The following RNF17 variants were observed in gnomAD, a reference collection of about 807,000 sequenced individuals.
The protein encoded by RNF17 is ring finger protein 17.
In RNF17, 31 loss-of-function variants were observed where a neutral mutation model predicts 200.5. The observed-to-expected ratio is 0.15, with a 90% CI of 0.12 to 0.21. RNF17 has a LOEUF of 0.21. Among genes scored for constraint, RNF17 ranks in the 10% least tolerant of loss-of-function variants. RNF17 has a pLI of 1.00. For synonymous variants in RNF17, 606 were observed against 637.8 expected, an observed-to-expected ratio of 0.95 and a Z score of 0.75; for missense variants, 1,628 against 1,905.1, an observed-to-expected ratio of 0.85 and a Z score of 2.71.
rs139644326 is a variant in RNF17, at chr13:24,847,460, C to G, written c.3101+2381C>G. ...TCCCAGATTCAAGCGATTCTCCCACCTCAGCCTCCCGAGTAGCTGGAATTA... is the reference window on the plus strand; with the variant it reads ...TCCCAGATTCAAGCGATTCTCCCACGTCAGCCTCCCGAGTAGCTGGAATTA... On this transcript the variant is annotated intron_variant, in intron 22 of 35. Coordinates refer to ENST00000255324, the MANE Select transcript of RNF17 (RefSeq NM_031277.3). Among the ~76,000 whole-genome samples the G allele has an allele frequency of 7.4e-3, 1,126 of 151,976 alleles. 14 individuals are homozygous for G. The highest frequency in any genetic ancestry group is 0.025 in the African/African-American group (1,039 of 41,454).
chr13:24,762,526 T>C (rs1878865746), upstream of RNF17, among the ~76,000 whole-genome samples: 1 of 152,144 alleles, frequency 6.6e-6, no homozygotes, highest in African/African-American at 2.4e-5. Flanking sequence ...AGTTCCATCA[T>C]GGATTAGTAG....
rs374294921 is a variant in RNF17, at chr13:24,842,985, T to TA, written c.2604-746dup. Reference sequence around the variant, plus strand: ...GTGTCTGACAGAGCAAGACTCTGTCTAAAAAAAAAAAAAGAAAAAAGAAAG... The same window carrying TA: ...GTGTCTGACAGAGCAAGACTCTGTCTAAAAAAAAAAAAAAGAAAAAAGAAAG... On this transcript the variant is annotated intron_variant, in intron 19 of 35. Transcript: ENST00000255324. Among the ~76,000 whole-genome samples, 263 of 133,796 alleles carry TA rather than the reference T, an allele frequency of 2.0e-3. 1 individual carries two copies. The highest frequency in any genetic ancestry group is 3.9e-3 in the Middle Eastern group (1 of 254). The allele number at this position is 133,796 out of a possible 152,430, so 87.8% of individuals were successfully genotyped here.
At chr13:24,841,966 CA>C (rs148630636) in intron 18 of RNF17, 74 bp from the exon 19 acceptor site, 17,131 of 1,055,878 alleles carry the variant, frequency 0.016, no homozygotes, top group South Asian at 0.022. Context: ...ACTCTGTCTC[CA>C]AAAAAAAAAA....
At chr13:24,823,732 A>T (rs188302326) in intron 15 of RNF17, among the ~76,000 whole-genome samples, 1 of 152,202 alleles carries the variant, frequency 6.6e-6, no homozygotes, top group African/African-American at 2.4e-5. Context: ...TACCATATAT[A>T]TGACTGCTTT....
chr13:24,820,275 C>T (rs1009553668), intron 15 of RNF17, among the ~76,000 whole-genome samples: 21 of 151,824 alleles, frequency 1.4e-4, no homozygotes, highest in Non-Finnish European at 2.5e-4. Context: ...GTGTGCACCA[C>T]GATGCCTGGC....
chr13:24,800,650 G>A, intron 13 of RNF17, 116 bp downstream of exon 13: 1 of 711,056 alleles, frequency 1.4e-6, no homozygotes. Flanking sequence ...TAAATACATA[G>A]TGCATATTAA....
At chr13:24,768,394 C>T (rs1258871760) in intron 2 of RNF17, among the ~76,000 whole-genome samples, 7 of 151,228 alleles carry the variant, frequency 4.6e-5, no homozygotes, top group Non-Finnish European at 7.4e-5. Context: ...AAGTGATTTT[C>T]CTGCCTCAGC....
rs1341724843 is a variant in RNF17, at chr13:24,842,085, C to G, written c.2527C>G (p.Leu843Val). The G allele has an allele frequency of 2.5e-6, 4 of 1,611,658 alleles. No homozygotes were observed. Among genetic ancestry groups the G allele is most frequent in the South Asian group, 1.1e-5 (1 of 90,760 alleles). ...GCTCTTAGTTGAGCTTTTCGATTCTCTTGGTGCTCCTGAAATGACTACTAC... is the reference window on the plus strand; with the variant it reads ...GCTCTTAGTTGAGCTTTTCGATTCTGTTGGTGCTCCTGAAATGACTACTAC... ...NVLLVELFDSLGAPEMTTTSI... is the reference protein window; with the variant it reads ...NVLLVELFDSVGAPEMTTTSI... The change falls in exon 19 of 36, where the codon CTT becomes GTT. Residue 843 changes from leucine (L) to valine (V), a missense_variant. Coordinates refer to ENST00000255324, the MANE Select transcript of RNF17 (RefSeq NM_031277.3).
chr13:24,884,081 T>C, downstream of RNF17: 2 of 1,584,574 alleles, frequency 1.3e-6, no homozygotes, highest in Admixed American at 1.8e-5. Flanking sequence ...GGGTAATGTT[T>C]TTCTGTTTAA....
At chr13:24,831,716 C>A (rs1029123917) in intron 17 of RNF17, 142 bp from the exon 18 acceptor site, 51 of 720,616 alleles carry the variant, frequency 7.1e-5, no homozygotes, top group Non-Finnish European at 1.0e-4. Flanking sequence ...TTTACAGACA[C>A]CTTCACACAT....
intron 13 of RNF17, among the ~76,000 whole-genome samples, chr13:24,801,750 G>C (rs548929004): frequency 2.6e-5 from 4 of 152,068 alleles, no homozygotes; most frequent in Non-Finnish European, 5.9e-5. Flanking sequence ...TTTATTTTAG[G>C]CATACCTATA....
the RNF17 span, among the ~76,000 whole-genome samples, chr13:24,886,660 G>A: frequency 2.5e-3 from 379 of 152,296 alleles, 1 homozygote; most frequent in African/African-American, 8.6e-3. Flanking sequence ...ACACAAGAAT[G>A]TCATGCTTCA....
At chr13:24,789,592 T>G (rs1305463468) in intron 8 of RNF17, 106 bp from the exon 9 acceptor site, 1 of 924,214 alleles carries the variant, frequency 1.1e-6, no homozygotes, top group East Asian at 2.4e-5. Flanking sequence ...GAAAGTTATT[T>G]AAATGTTTCC....
intron 16 of RNF17, among the ~76,000 whole-genome samples, chr13:24,829,135 A>C (rs982652099): frequency 6.6e-6 from 1 of 152,152 alleles, no homozygotes; most frequent in East Asian, 1.9e-4. Flanking sequence ...CCTAGGCCTT[A>C]CTACACATTT....
chr13:24,772,738 G>T (rs1880955486), intron 2 of RNF17, among the ~76,000 whole-genome samples: 1 of 151,892 alleles, frequency 6.6e-6, no homozygotes, highest in Non-Finnish European at 1.5e-5. Context: ...AGCCTCTCGA[G>T]CAGCTGGGAC....
At chr13:24,791,187 A>G (rs1883800836) in intron 9 of RNF17, among the ~76,000 whole-genome samples, 1 of 152,212 alleles carries the variant, frequency 6.6e-6, no homozygotes, top group Non-Finnish European at 1.5e-5. Flanking sequence ...GATGACAGTG[A>G]AGGCTGAAGG....
downstream of RNF17, chr13:24,883,905 G>A: frequency 3.7e-6 from 6 of 1,609,562 alleles, no homozygotes; most frequent in Non-Finnish European, 5.1e-6. Context: ...CACCTTCTGA[G>A]CACAGATGAA....
At chr13:24,844,848 A>AT in intron 21 of RNF17, 46 bp downstream of exon 21, 1 of 1,586,980 alleles carries the variant, frequency 6.3e-7, no homozygotes, top group South Asian at 1.1e-5. Context: ...GAATGAATGC[A>AT]TTTTGTATTT....
At position 24,854,078 on chromosome 13, in the gene RNF17, G is replaced by A. The variant is rs776307815; in HGVS notation, c.3544G>A (p.Val1182Ile). Residue 1182 changes from valine to isoleucine, a missense_variant, in exon 25 of 36, where the codon GTA becomes ATA. Coordinates refer to ENST00000255324, the MANE Select transcript of RNF17 (RefSeq NM_031277.3). ...YKPPAIPNMN[V>I]FEATVSCVGD... ...GCCACCAGCTATTCCTAACATGAAC[G>A]TATTTGAGGCAACAGTCAGCTGTGT... is the stretch of plus-strand genomic sequence containing the variant. 3.7e-6 allele frequency: 6 copies of A among 1,613,786 alleles called. No individual in the cohort carries two copies. The highest frequency in any genetic ancestry group is 5.1e-6 in the Non-Finnish European group (6 of 1,179,840).
Sources: allele counts gnomAD v4.1 joint callset (sites outside exome capture counted in the v4.1 genomes callset), GRCh38; gene constraint gnomAD v4.1.1; transcripts MANE v1.5; gene names NCBI Gene and HGNC (gene_info 2026-07-23, HGNC 2026-07-21).